The following C10orf90 variants were observed in gnomAD, a reference collection of about 807,000 sequenced individuals.
The protein encoded by C10orf90 is chromosome 10 open reading frame 90.
In C10orf90, 56 loss-of-function variants were observed where a neutral mutation model predicts 62.5. That is an observed-to-expected ratio of 0.90 (90% CI 0.72 to 1.12). The LOEUF (loss-of-function observed/expected upper bound fraction) is 1.12, where lower values mean the gene tolerates loss of function less well. Ranked by LOEUF, C10orf90 falls within the 50% of genes most tolerant of loss-of-function variation. The probability of loss-of-function intolerance (pLI) is 0.00; values close to 1 mark genes in which losing one functional copy is unlikely to be tolerated. For synonymous variants in C10orf90, 386 were observed against 340.4 expected, an observed-to-expected ratio of 1.13 and a Z score of -1.47; for missense variants, 970 against 880.4, an observed-to-expected ratio of 1.10 and a Z score of -1.29.
intron 2 of C10orf90, among the ~76,000 whole-genome samples, chr10:126,521,622 A>G (rs4962343): frequency 0.89 from 135,097 of 152,288 alleles, 60,106 homozygotes; most frequent in African/African-American, 0.96. Flanking sequence ...GATGAGTAAA[A>G]CAAGTTTGCA....
intron 7 of C10orf90, among the ~76,000 whole-genome samples, chr10:126,455,392 C>T (rs952252302): frequency 1.3e-5 from 2 of 152,300 alleles, no homozygotes; most frequent in South Asian, 2.1e-4. Flanking sequence ...GCAAGGCTAC[C>T]ACCTATGAGT....
At chr10:126,434,010 CT>C (rs1238614087) in intron 7 of C10orf90, among the ~76,000 whole-genome samples, 1 of 152,188 alleles carries the variant, frequency 6.6e-6, no homozygotes, top group East Asian at 1.9e-4. Context: ...CTGGAAAATA[CT>C]TTTTTCCCCA....
At chr10:126,535,404 C>G (rs142301716) in intron 2 of C10orf90, among the ~76,000 whole-genome samples, 1,681 of 151,694 alleles carry the variant, frequency 0.011, 40 homozygotes, top group African/African-American at 0.038. Context: ...GTAGTCCCAG[C>G]TACGTGGGAG....
At chr10:126,450,459 A>G (rs1018068468) in intron 7 of C10orf90, among the ~76,000 whole-genome samples, 4 of 152,224 alleles carry the variant, frequency 2.6e-5, no homozygotes, top group African/African-American at 9.6e-5. Context: ...TTATGAAGTC[A>G]TAGTAATCAA....
intron 2 of C10orf90, among the ~76,000 whole-genome samples, chr10:126,578,630 G>A (rs940030257): frequency 1.4e-4 from 21 of 152,268 alleles, no homozygotes; most frequent in African/African-American, 4.1e-4. Context: ...AAATGCTTAC[G>A]TATGTTTACC....
intron 7 of C10orf90, among the ~76,000 whole-genome samples, chr10:126,446,048 G>C (rs950192391): frequency 6.6e-6 from 1 of 151,690 alleles, no homozygotes; most frequent in South Asian, 2.1e-4. Flanking sequence ...TACAAATAGG[G>C]TACAGCATAT....
chr10:126,624,366 T>C (rs1845703398), intron 2 of C10orf90, among the ~76,000 whole-genome samples: 1 of 151,898 alleles, frequency 6.6e-6, no homozygotes, highest in Non-Finnish European at 1.5e-5. Context: ...AGAGAGAGAC[T>C]CCTACTGAGG....
chr10:126,575,772 C>A (rs1844598756), intron 2 of C10orf90, among the ~76,000 whole-genome samples: 1 of 152,006 alleles, frequency 6.6e-6, no homozygotes, highest in South Asian at 2.1e-4. Flanking sequence ...AGAAATTAAT[C>A]TACATATCTT....
At chr10:126,637,130 G>A (rs2133837854) in intron 2 of C10orf90, among the ~76,000 whole-genome samples, 1 of 152,288 alleles carries the variant, frequency 6.6e-6, no homozygotes, top group African/African-American at 2.4e-5. Flanking sequence ...GCAGAGGTTA[G>A]CGTTCTTGTT....
chr10:126,668,255 C>T (rs1418913140), intron 1 of C10orf90, among the ~76,000 whole-genome samples: 1 of 152,232 alleles, frequency 6.6e-6, no homozygotes, highest in Non-Finnish European at 1.5e-5. Context: ...TTTCTTTAAT[C>T]TAGCACCTTT....
intron 2 of C10orf90, among the ~76,000 whole-genome samples, chr10:126,524,990 G>T (rs1322908395): frequency 1.3e-5 from 2 of 152,204 alleles, no homozygotes; most frequent in South Asian, 4.1e-4. Flanking sequence ...TTCTGCCCTT[G>T]CAGGTGGGTG....
chr10:126,645,823 A>G (rs1846159540), intron 2 of C10orf90, among the ~76,000 whole-genome samples: 1 of 152,210 alleles, frequency 6.6e-6, no homozygotes, highest in African/African-American at 2.4e-5. Flanking sequence ...ACATCCACAT[A>G]CATACAAACA....
intron 4 of C10orf90, among the ~76,000 whole-genome samples, chr10:126,468,792 G>A (rs1860422444): frequency 1.3e-5 from 2 of 152,172 alleles, no homozygotes; most frequent in African/African-American, 4.8e-5. Context: ...GAAGAGGCAT[G>A]CATCTGGGCT....
rs373116712 is a variant in C10orf90, at chr10:126,464,999, C to T, written c.1535-13G>A. 28 of 1,591,230 alleles carry T rather than the reference C, an allele frequency of 1.8e-5. No individual in the cohort carries two copies. The highest frequency in any genetic ancestry group is 5.5e-5 in the South Asian group (5 of 90,156). On this transcript the variant is annotated splice_polypyrimidine_tract_variant and intron_variant, in intron 4 of 9. Coordinates refer to ENST00000488181, the MANE Select transcript of C10orf90 (RefSeq NM_001350921.2). ...ACTTTTGTGTGTACTAAAAATAAAA[C>T]GAGAGTTGTGCTCAAAATCTCTTAT...
chr10:126,642,401 G>A (rs956204849), intron 2 of C10orf90, among the ~76,000 whole-genome samples: 46 of 152,140 alleles, frequency 3.0e-4, no homozygotes, highest in South Asian at 6.3e-4. Flanking sequence ...GCGTGGTGGC[G>A]GGCGCCTGTA....
In C10orf90 at chr10:126,510,059, G is replaced by A. The variant is rs559228715; in HGVS notation, c.405+3789C>T. On this transcript the variant is annotated intron_variant, in intron 3 of 9. Transcript: ENST00000488181. ...GTCCTCCCTCTGTCCTCTGCTCCATGTCTGGGTCCTAATCTTTTCTTCTTA... is the reference window on the plus strand; with the variant it reads ...GTCCTCCCTCTGTCCTCTGCTCCATATCTGGGTCCTAATCTTTTCTTCTTA... 9.2e-5 allele frequency among the ~76,000 whole-genome samples: 14 copies of A among 152,238 alleles called. No individual in the cohort carries two copies. The South Asian group carries it at 2.9e-3, about 32-fold the overall frequency.
In C10orf90 at chr10:126,456,349, G is replaced by A. The variant is rs12246117; in HGVS notation, c.2188+2691C>T. 0.039 allele frequency among the ~76,000 whole-genome samples: 6,010 copies of A among 152,212 alleles called. 385 individuals carry two copies. Among genetic ancestry groups the A allele is most frequent in the African/African-American group, 0.14 (5,627 of 41,506 alleles). ...AAATACGGCAGGGATGGTCAGGGTGGCCATAAAACCCACGTTGGCCAAGTC... is the reference window on the plus strand; with the variant it reads ...AAATACGGCAGGGATGGTCAGGGTGACCATAAAACCCACGTTGGCCAAGTC... On this transcript the variant is annotated intron_variant, in intron 7 of 9. Transcript: ENST00000488181. The surrounding 1 kb of genome is among the most constrained non-coding windows in gnomAD (Gnocchi z 4.9).
chr10:126,596,357 T>G (rs999700666), intron 2 of C10orf90, among the ~76,000 whole-genome samples: 1 of 146,970 alleles, frequency 6.8e-6, no homozygotes, highest in Non-Finnish European at 1.5e-5. Context: ...AATCTTGTGC[T>G]CCTTGAAAGA....
chr10:126,655,834 CAAAACA>C (rs1055656649), intron 1 of C10orf90, among the ~76,000 whole-genome samples: 5 of 126,512 alleles, frequency 4.0e-5, no homozygotes, highest in African/African-American at 1.1e-4. Context: ...CAAAACAAAA[CAAAACA>C]AAAAAAAAAA....
Sources: allele counts gnomAD v4.1 joint callset (sites outside exome capture counted in the v4.1 genomes callset), GRCh38; gene constraint gnomAD v4.1.1; non-coding constraint Gnocchi (gnomAD v3.1); transcripts MANE v1.5; gene names NCBI Gene and HGNC (gene_info 2026-07-23, HGNC 2026-07-21).